Variants in PDE7B observed in about 807,000 individuals in gnomAD.
PDE7B encodes phosphodiesterase 7B, also known as 3',5'-cyclic-AMP phosphodiesterase 7B.
A neutral mutation model predicts 56.2 loss-of-function variants in PDE7B; 29 were observed. That is an observed-to-expected ratio of 0.52 (90% CI 0.38 to 0.70). The LOEUF (loss-of-function observed/expected upper bound fraction) is 0.70, where lower values mean the gene tolerates loss of function less well. PDE7B is among the 30% of genes least tolerant of loss of function. The pLI, the probability that PDE7B is intolerant of heterozygous loss-of-function variation, is 0.00. For synonymous variants in PDE7B, 197 were observed against 196.9 expected (o/e 1.00, Z 0.00); for missense variants, 490 against 565.0 (o/e 0.87, Z 1.35).
chr6:136,004,899 A>G (rs1374062283), intron 2 of PDE7B, among the ~76,000 whole-genome samples: 1 of 152,056 alleles, frequency 6.6e-6, no homozygotes, highest in African/African-American at 2.4e-5. Flanking sequence ...TCGCCAAGTC[A>G]ATCCTAAGCC....
intron 3 of PDE7B, among the ~76,000 whole-genome samples, chr6:136,138,477 C>T (rs1047225914): frequency 6.6e-6 from 1 of 152,008 alleles, no homozygotes; most frequent in South Asian, 2.1e-4. Context: ...CCCTAAATAA[C>T]ACTCGATAAG....
intron 2 of PDE7B, among the ~76,000 whole-genome samples, chr6:135,985,748 C>A (rs1775366062): frequency 6.6e-6 from 1 of 152,216 alleles, no homozygotes; most frequent in Non-Finnish European, 1.5e-5. Flanking sequence ...TGGCTTAATT[C>A]CAAGCATTTC....
intron 2 of PDE7B, among the ~76,000 whole-genome samples, chr6:135,957,619 A>G (rs561819823): frequency 1.3e-5 from 2 of 152,238 alleles, no homozygotes; most frequent in Admixed American, 1.3e-4. Flanking sequence ...CCACTTCCCC[A>G]GTGAGCCTGC....
intron 1 of PDE7B, among the ~76,000 whole-genome samples, chr6:135,928,482 TTTATTTATATATATA>T (rs1774235031): frequency 2.0e-5 from 2 of 100,262 alleles, no homozygotes; most frequent in Non-Finnish European, 4.0e-5. Context: ...TATATATATA[TTTATTTATATATATA>T]TATTTATATA....
intron 1 of PDE7B, among the ~76,000 whole-genome samples, chr6:135,924,684 T>A (rs1203135316): frequency 6.7e-6 from 1 of 150,282 alleles, no homozygotes; most frequent in Admixed American, 6.6e-5. Flanking sequence ...TCTTTTTTTT[T>A]TTTTGAGTGG....
intron 3 of PDE7B, among the ~76,000 whole-genome samples, chr6:136,125,172 C>A (rs568563749): frequency 2.1e-4 from 32 of 152,238 alleles, no homozygotes; most frequent in South Asian, 4.1e-4. Context: ...CAGAAACAAC[C>A]TTTTATCTTT....
chr6:136,011,544 T>C (rs938609663), intron 2 of PDE7B, among the ~76,000 whole-genome samples: 1 of 152,242 alleles, frequency 6.6e-6, no homozygotes, highest in African/African-American at 2.4e-5. Context: ...GATTGCAATA[T>C]ACTTGTGTCC....
chr6:136,105,627 C>T (rs1303707197), intron 2 of PDE7B, among the ~76,000 whole-genome samples: 1 of 152,160 alleles, frequency 6.6e-6, no homozygotes, highest in Non-Finnish European at 1.5e-5. Flanking sequence ...CTTACAACAA[C>T]TCTGTGATGT....
At chr6:135,974,647 G>A (rs1376527333) in intron 2 of PDE7B, among the ~76,000 whole-genome samples, 2 of 152,226 alleles carry the variant, frequency 1.3e-5, no homozygotes, top group East Asian at 3.8e-4. Flanking sequence ...CAGCATGCCT[G>A]ATTATATCTA....
At position 135,987,287 on chromosome 6, in the gene PDE7B, G is replaced by C. The variant is rs571694145; in HGVS notation, c.82+39763G>C. ...GAGTCACAGGGAATGTCTCTGGGTT[G>C]ACAGCAAGAATAAGGTGATGCCAGT... On this transcript the variant is annotated intron_variant, in intron 2 of 12. Transcript: ENST00000308191. Among the ~76,000 whole-genome samples, 3 of 152,236 alleles carry C rather than the reference G, an allele frequency of 2.0e-5. 1 individual carries two copies. The South Asian group carries it at 6.2e-4, about 32-fold the overall frequency.
At chr6:136,011,444 G>A (rs147655017) in intron 2 of PDE7B, among the ~76,000 whole-genome samples, 1 of 152,320 alleles carries the variant, frequency 6.6e-6, no homozygotes, top group East Asian at 1.9e-4. Context: ...TATAGCCAAA[G>A]TTATAGAAAA....
chr6:136,129,526 T>C, intron 3 of PDE7B, among the ~76,000 whole-genome samples: 1 of 152,204 alleles, frequency 6.6e-6, no homozygotes, highest in East Asian at 1.9e-4. Context: ...CCACTGTTTT[T>C]GGCTCTTGCT....
chr6:136,026,672 T>C (rs963809264), intron 2 of PDE7B, among the ~76,000 whole-genome samples: 3 of 152,168 alleles, frequency 2.0e-5, no homozygotes, highest in Admixed American at 6.5e-5. Flanking sequence ...CCTGAACAAA[T>C]TACTTTCATA....
chr6:136,183,345 A>C (rs1288556891), intron 11 of PDE7B, among the ~76,000 whole-genome samples: 1 of 151,928 alleles, frequency 6.6e-6, no homozygotes, highest in Non-Finnish European at 1.5e-5. Flanking sequence ...TGTAATCCCA[A>C]GACTTTGGGA....
chr6:136,092,156 A>G (rs1165976632), intron 2 of PDE7B, among the ~76,000 whole-genome samples: 4 of 152,236 alleles, frequency 2.6e-5, no homozygotes, highest in Non-Finnish European at 4.4e-5. Flanking sequence ...TAGGTATTCA[A>G]TGAAGATTGA....
At chr6:135,906,943 A>G (rs1776127292) in intron 1 of PDE7B, among the ~76,000 whole-genome samples, 1 of 151,150 alleles carries the variant, frequency 6.6e-6, no homozygotes, top group Non-Finnish European at 1.5e-5. Flanking sequence ...TGGTAGGGTA[A>G]CCAAACTTAA....
chr6:136,108,636 G>T, intron 2 of PDE7B, 95 bp from the exon 3 acceptor site: 1 of 809,222 alleles, frequency 1.2e-6, no homozygotes. Flanking sequence ...TTTTTCTCCT[G>T]ACATCTGGGG....
chr6:135,953,095 T>C (rs939163410), intron 2 of PDE7B, among the ~76,000 whole-genome samples: 9 of 152,170 alleles, frequency 5.9e-5, no homozygotes, highest in Non-Finnish European at 1.0e-4. Context: ...TTTTTCCTCT[T>C]CATATCAAAT....
chr6:136,083,573 T>C (rs1047629844), intron 2 of PDE7B, among the ~76,000 whole-genome samples: 4 of 152,206 alleles, frequency 2.6e-5, no homozygotes, highest in Admixed American at 2.6e-4. Context: ...GATACTGACC[T>C]GGGGATACTT....
Sources: gnomAD v4.1 joint callset for allele counts (sites outside exome capture counted in the v4.1 genomes callset) on GRCh38, gnomAD v4.1.1 for gene constraint, MANE v1.5 for transcripts, NCBI Gene and HGNC (gene_info 2026-07-23, HGNC 2026-07-21) for gene names.